CENPL: variants seen among roughly 807,000 people sequenced by gnomAD.
The protein encoded by CENPL is interphase centromere complex protein 33.
In CENPL, 20 loss-of-function variants were observed where a neutral mutation model predicts 35.2. The ratio of observed to expected loss-of-function variants is 0.57; its 90% CI spans 0.40 to 0.83. The LOEUF (loss-of-function observed/expected upper bound fraction) is 0.83. CENPL is among the 40% of genes least tolerant of loss of function. The pLI, the probability that CENPL is intolerant of heterozygous loss-of-function variation, is 0.00. For missense variants in CENPL, 363 were observed against 395.8 expected (o/e 0.92, Z 0.70); for synonymous variants, 140 against 140.6 (o/e 1.00, Z 0.03).
intron 2 of CENPL, chr1:173,822,001 C>T (rs1235719857): frequency 6.6e-6 from 1 of 151,930 alleles, no homozygotes; most frequent in African/African-American, 2.4e-5. Flanking sequence ...TCTTTAATCA[C>T]TCCTATACAG....
intron 4 of CENPL, among the ~76,000 whole-genome samples, chr1:173,806,284 A>C (rs2102571951): frequency 6.6e-6 from 1 of 152,258 alleles, no homozygotes; most frequent in South Asian, 2.1e-4. Flanking sequence ...AGGCATGAAT[A>C]ATAAACAAAA....
At chr1:173,810,643 G>A (rs980396782) in intron 3 of CENPL, among the ~76,000 whole-genome samples, 11 of 152,182 alleles carry the variant, frequency 7.2e-5, no homozygotes, top group Admixed American at 3.9e-4. Flanking sequence ...TAAACAGGCC[G>A]GGCGCGGTGA....
At chr1:173,816,321 T>G (rs1299574929) in intron 2 of CENPL, among the ~76,000 whole-genome samples, 3 of 152,252 alleles carry the variant, frequency 2.0e-5, no homozygotes, top group East Asian at 3.9e-4. Flanking sequence ...TTCACAGAAT[T>G]GGAAAAAACT....
At position 173,801,762 on chromosome 1, in the gene CENPL, G is replaced by A. The variant is rs528916960; in HGVS notation, c.963+1201C>T. 1.9e-4 allele frequency among the ~76,000 whole-genome samples: 29 copies of A among 152,312 alleles called. No homozygotes were observed. The South Asian group carries it at 2.9e-3, about 15-fold the overall frequency. On this transcript the variant is annotated intron_variant, in intron 5 of 5. Transcript: ENST00000682279. ...TTAAACCCAGGAGGCGGAAGTTGCA[G>A]TGAGTTGAGATTGCACCACTGCACC...
At chr1:173,810,851 A>T (rs546423775) in intron 3 of CENPL, among the ~76,000 whole-genome samples, 1 of 152,308 alleles carries the variant, frequency 6.6e-6, no homozygotes, top group East Asian at 1.9e-4. Flanking sequence ...CAGGAGGCAG[A>T]GCTTGCAGTG....
chr1:173,811,061 C>G, intron 3 of CENPL, 71 bp downstream of exon 3: 1 of 1,432,728 alleles, frequency 7.0e-7, no homozygotes, highest in Non-Finnish European at 9.6e-7. Context: ...ACTATAGTTA[C>G]AAAAATTGAA....
Position 173,811,302 on chromosome 1 carries a change from T to C in CENPL, c.-3A>G, listed in dbSNP as rs1372923179. 6.3e-7 allele frequency: 1 copy of C among 1,591,804 alleles called. No individual in the cohort carries two copies. Among genetic ancestry groups the C allele is most frequent in the African/African-American group, 1.3e-5 (1 of 74,494 alleles). On this transcript the variant is annotated 5_prime_UTR_variant, in exon 3 of 6. Coordinates refer to ENST00000682279, the MANE Select transcript of CENPL (RefSeq NM_001387287.1). ...TCTGGTGCACTGTAAGAATCCATGGTCTGTCTGCATAAGAAGAAACAAAAC... is the reference window on the plus strand; with the variant it reads ...TCTGGTGCACTGTAAGAATCCATGGCCTGTCTGCATAAGAAGAAACAAAAC...
At chr1:173,820,614 A>G (rs1651851763) in intron 2 of CENPL, among the ~76,000 whole-genome samples, 1 of 152,166 alleles carries the variant, frequency 6.6e-6, no homozygotes, top group Non-Finnish European at 1.5e-5. Flanking sequence ...CAATTTATTT[A>G]TTTATTTTTA....
At chr1:173,811,721 C>G (rs1285396838) in intron 2 of CENPL, among the ~76,000 whole-genome samples, 1 of 152,216 alleles carries the variant, frequency 6.6e-6, no homozygotes, top group Non-Finnish European at 1.5e-5. Context: ...ATAGGAACAG[C>G]TCCGGTCTGC....
At chr1:173,812,624 C>T (rs1328899135) in intron 2 of CENPL, among the ~76,000 whole-genome samples, 3 of 152,188 alleles carry the variant, frequency 2.0e-5, no homozygotes, top group Non-Finnish European at 4.4e-5. Context: ...AAAGGAATAG[C>T]ATCAACATCA....
chr1:173,800,968 C>T (rs963272461), intron 5 of CENPL, among the ~76,000 whole-genome samples: 1 of 151,866 alleles, frequency 6.6e-6, no homozygotes, highest in African/African-American at 2.4e-5. Flanking sequence ...AACAAAAAAC[C>T]CCTCATTTTT....
chr1:173,811,350 T>C (rs1180670315), intron 2 of CENPL, 44 bp from the exon 3 acceptor site: 1 of 1,321,496 alleles, frequency 7.6e-7, no homozygotes, highest in Non-Finnish European at 1.0e-6. Context: ...CACTAAAAAG[T>C]TAATTCATGC....
chr1:173,819,470 A>G (rs1398171647), intron 2 of CENPL, among the ~76,000 whole-genome samples: 1 of 150,934 alleles, frequency 6.6e-6, no homozygotes, highest in East Asian at 2.0e-4. Flanking sequence ...ACACACCTGT[A>G]GTCCCAGCTA....
chr1:173,803,223 C>T lies in CENPL; in HGVS notation c.703G>A (p.Ala235Thr). 6.2e-7 allele frequency: 1 copy of T among 1,613,868 alleles called. No homozygotes were observed. Among genetic ancestry groups the T allele is most frequent in the South Asian group, 1.1e-5 (1 of 91,080 alleles). Residue 235 changes from alanine (A) to threonine (T), a missense_variant, in exon 5 of 6, where the codon GCT becomes ACT. Transcript: ENST00000682279. ...ACAGACCAAAGAAATTCAGTAGTAGCCACATAATGGTCCATTTTGCATGCA... is the reference window on the plus strand; with the variant it reads ...ACAGACCAAAGAAATTCAGTAGTAGTCACATAATGGTCCATTTTGCATGCA... Reference protein sequence around the residue: ...WTACKMDHYVATTEFLWSVPC... With the variant: ...WTACKMDHYVTTTEFLWSVPC...
chr1:173,812,128 A>T (rs1275167149), intron 2 of CENPL, among the ~76,000 whole-genome samples: 1 of 148,784 alleles, frequency 6.7e-6, no homozygotes, highest in Non-Finnish European at 1.5e-5. Context: ...GGCGTCCGCC[A>T]TTGCTGAGGC....
chr1:173,805,843 T>C (rs1650176788), intron 4 of CENPL, among the ~76,000 whole-genome samples: 1 of 84,808 alleles, frequency 1.2e-5, no homozygotes. Flanking sequence ...ATCCATGCAC[T>C]TTTTTTTTAA....
chr1:173,821,551 T>C (rs1042687607), intron 2 of CENPL, among the ~76,000 whole-genome samples: 18 of 152,176 alleles, frequency 1.2e-4, no homozygotes, highest in Admixed American at 2.6e-4. Flanking sequence ...AAAAAACATG[T>C]CAATTGTGTA....
chr1:173,809,908 G>C (rs2102583490), intron 3 of CENPL, among the ~76,000 whole-genome samples: 1 of 152,290 alleles, frequency 6.6e-6, no homozygotes, highest in South Asian at 2.1e-4. Context: ...ATACATTGTT[G>C]GTAGGAGTGT....
chr1:173,806,122 C>T (rs1650203620), intron 4 of CENPL, among the ~76,000 whole-genome samples: 2 of 152,218 alleles, frequency 1.3e-5, no homozygotes, highest in South Asian at 4.1e-4. Flanking sequence ...ACCTTATTTA[C>T]AAAAACAAGC....
Sources: gnomAD v4.1 joint callset for allele counts (sites outside exome capture counted in the v4.1 genomes callset) on GRCh38, gnomAD v4.1.1 for gene constraint, MANE v1.5 for transcripts, NCBI Gene and HGNC (gene_info 2026-07-23, HGNC 2026-07-21) for gene names.